The following STAU2 variants were observed in gnomAD, a reference collection of about 807,000 sequenced individuals.
The protein encoded by STAU2 is double-stranded RNA-binding protein Staufen homolog 2.
STAU2 carries 20 observed loss-of-function variants against 65.9 expected under a neutral mutation model. That is an observed-to-expected ratio of 0.30 (90% confidence interval 0.21 to 0.44). The LOEUF (loss-of-function observed/expected upper bound fraction) is 0.44. STAU2 is among the 20% of genes least tolerant of loss of function. The probability of loss-of-function intolerance (pLI) is 1.00; values close to 1 mark genes in which losing one functional copy is unlikely to be tolerated. For synonymous variants in STAU2, 232 were observed against 233.9 expected, an observed-to-expected ratio of 0.99 and a Z score of 0.07; for missense variants, 558 against 683.9, an observed-to-expected ratio of 0.82 and a Z score of 2.05.
At chr8:73,485,693 G>C (rs954149336) in intron 13 of STAU2, among the ~76,000 whole-genome samples, 1 of 151,996 alleles carries the variant, frequency 6.6e-6, no homozygotes, top group South Asian at 2.1e-4. Context: ...AATATTAGCC[G>C]GGCATGAGCA....
intron 13 of STAU2, among the ~76,000 whole-genome samples, chr8:73,547,747 G>A (rs910512379): frequency 7.2e-5 from 11 of 152,182 alleles, no homozygotes; most frequent in Middle Eastern, 3.4e-3. Context: ...AATTTATTAT[G>A]GTTTTATACA....
At chr8:73,455,161 AC>A (rs1818995723) in intron 13 of STAU2, among the ~76,000 whole-genome samples, 5 of 152,108 alleles carry the variant, frequency 3.3e-5, no homozygotes, top group Admixed American at 3.3e-4. Context: ...ATCTCCTCAT[AC>A]AAAGGTGCAG....
chr8:73,442,152 A>T (rs546755979), intron 13 of STAU2, among the ~76,000 whole-genome samples: 10 of 152,074 alleles, frequency 6.6e-5, no homozygotes, highest in Non-Finnish European at 1.5e-4. Flanking sequence ...CAGGAGATCG[A>T]GATCATCCTG....
chr8:73,440,582 C>T (rs1158229554), intron 13 of STAU2: 1 of 152,240 alleles, frequency 6.6e-6, no homozygotes, highest in Non-Finnish European at 1.5e-5. Flanking sequence ...ACATGCTCTG[C>T]TATGGTTCTA....
chr8:73,508,318 G>A (rs1329653762), intron 13 of STAU2, among the ~76,000 whole-genome samples: 1 of 152,072 alleles, frequency 6.6e-6, no homozygotes, highest in Non-Finnish European at 1.5e-5. Context: ...TTATTAATTG[G>A]CCTCATTTCA....
chr8:73,426,618 A>G (rs1283400569), intron 13 of STAU2, among the ~76,000 whole-genome samples: 1 of 152,180 alleles, frequency 6.6e-6, no homozygotes, highest in Non-Finnish European at 1.5e-5. Flanking sequence ...TTTCATCCAC[A>G]TGGCCATAAA....
intron 13 of STAU2, among the ~76,000 whole-genome samples, chr8:73,448,146 C>G (rs918868040): frequency 2.0e-5 from 3 of 152,180 alleles, no homozygotes; most frequent in Admixed American, 1.3e-4. Context: ...TAAACTGATC[C>G]TCTCCCTCCC....
At chr8:73,612,413 C>T (rs927547040) in intron 9 of STAU2, among the ~76,000 whole-genome samples, 13 of 152,150 alleles carry the variant, frequency 8.5e-5, no homozygotes, top group Admixed American at 8.5e-4. Flanking sequence ...GATTCATACT[C>T]AGAACTGACT....
At chr8:73,550,094 C>T in intron 13 of STAU2, 1 of 985,332 alleles carries the variant, frequency 1.0e-6, no homozygotes, top group Non-Finnish European at 1.2e-6. Flanking sequence ...GGTAGTGGTC[C>T]ATCAATGACA....
At chr8:73,614,169 T>C (rs1178811525) in intron 8 of STAU2, among the ~76,000 whole-genome samples, 1 of 152,174 alleles carries the variant, frequency 6.6e-6, no homozygotes, top group Non-Finnish European at 1.5e-5. Flanking sequence ...ATAAACACAT[T>C]TGATTCATAG....
chr8:73,489,112 A>G (rs1821050581), intron 13 of STAU2, among the ~76,000 whole-genome samples: 1 of 151,970 alleles, frequency 6.6e-6, no homozygotes, highest in African/African-American at 2.4e-5. Flanking sequence ...AATTTTTAAA[A>G]ACGAACAACA....
Position 73,689,208 on chromosome 8 carries a change from C to T in STAU2, c.115-395G>A, listed in dbSNP as rs1028658093. Among the ~76,000 whole-genome samples the T allele has an allele frequency of 2.6e-5, 4 of 152,256 alleles. No individual in the cohort carries two copies. In the East Asian group the frequency reaches 7.7e-4, roughly 29 times the overall value. On this transcript the variant is annotated intron_variant, in intron 4 of 14. Transcript: ENST00000524300. ...ATAATACTTTCATAAAATCTAATTC[C>T]TTGAATGTTACATTTAGCACAATCT... is the stretch of plus-strand genomic sequence containing the variant.
At chr8:73,719,751 A>G (rs2130700181) in intron 3 of STAU2, among the ~76,000 whole-genome samples, 1 of 152,330 alleles carries the variant, frequency 6.6e-6, no homozygotes, top group African/African-American at 2.4e-5. Flanking sequence ...AATTATATTT[A>G]TGAGACATAC....
intron 10 of STAU2, among the ~76,000 whole-genome samples, chr8:73,597,508 A>T (rs945340785): frequency 1.3e-5 from 2 of 150,744 alleles, no homozygotes; most frequent in Admixed American, 6.6e-5. Flanking sequence ...CAAAAATAAA[A>T]AAAAAAAAAA....
chr8:73,569,041 G>A (rs933194530), intron 12 of STAU2, among the ~76,000 whole-genome samples: 2 of 152,076 alleles, frequency 1.3e-5, no homozygotes, highest in African/African-American at 4.8e-5. Flanking sequence ...CAAGGGGTCG[G>A]GGAATTCCCT....
chr8:73,664,591 C>A (rs1253047678), intron 6 of STAU2, among the ~76,000 whole-genome samples: 1 of 152,132 alleles, frequency 6.6e-6, no homozygotes, highest in African/African-American at 2.4e-5. Flanking sequence ...GGGTTAATTA[C>A]TTTGATTACT....
At chr8:73,537,539 G>A (rs796666815) in intron 13 of STAU2, among the ~76,000 whole-genome samples, 25 of 152,260 alleles carry the variant, frequency 1.6e-4, no homozygotes, top group African/African-American at 4.8e-4. Context: ...CAGAAACCAC[G>A]GATGCCAGAA....
rs1222054212 is a variant in STAU2, at chr8:73,420,886, T to G, written c.*486A>C. The stretch of plus-strand genomic sequence containing the variant: ...AATATCTGCATAAAAAGAGAAACCA[T>G]GTGACTCTATATGAAGACAACCATC... On this transcript the variant is annotated 3_prime_UTR_variant, in exon 15 of 15. Transcript: ENST00000524300. The G allele has an allele frequency of 6.4e-6, 1 of 156,294 alleles. No individual in the cohort carries two copies. Among genetic ancestry groups the G allele is most frequent in the Non-Finnish European group, 1.4e-5 (1 of 70,644 alleles). 9.7% of individuals were successfully genotyped at this position (156,294 alleles called of 1,614,324 possible). A position where few individuals can be genotyped will look rare whatever the true frequency, so the allele number is the denominator to read the frequency against.
chr8:73,691,576 C>T (rs1007094135), intron 4 of STAU2, among the ~76,000 whole-genome samples: 1 of 151,940 alleles, frequency 6.6e-6, no homozygotes, highest in Non-Finnish European at 1.5e-5. Flanking sequence ...GACCTGGCCT[C>T]CTCTCTTTAT....
Sources: allele counts gnomAD v4.1 joint callset (sites outside exome capture counted in the v4.1 genomes callset), GRCh38; gene constraint gnomAD v4.1.1; transcripts MANE v1.5; gene names NCBI Gene and HGNC (gene_info 2026-07-23, HGNC 2026-07-21).